The following RORA variants were observed in gnomAD, a reference collection of about 807,000 sequenced individuals.
RORA encodes the protein nuclear receptor ROR-alpha.
Under a neutral mutation model 69.5 loss-of-function variants are expected in RORA, and 7 were observed. That is an observed-to-expected ratio of 0.10 (90% confidence interval 0.06 to 0.19). The LOEUF (loss-of-function observed/expected upper bound fraction) is 0.19. Ranked by LOEUF, RORA falls within the 10% of genes least tolerant of loss-of-function variation. The pLI is 1.00. For missense variants in RORA, 457 were observed against 663.0 expected (o/e 0.69, Z 3.41); for synonymous variants, 261 against 240.8 (o/e 1.08, Z -0.78).
At chr15:60,726,743 G>T (rs1297887684) in intron 1 of RORA, among the ~76,000 whole-genome samples, 2 of 152,140 alleles carry the variant, frequency 1.3e-5, no homozygotes, top group African/African-American at 4.8e-5. Context: ...CAAGCAGGGG[G>T]TTAATAGCTC....
chr15:60,846,740 C>G (rs2073270408), intron 1 of RORA, among the ~76,000 whole-genome samples: 1 of 152,182 alleles, frequency 6.6e-6, no homozygotes, highest in Non-Finnish European at 1.5e-5. Context: ...CGGGGCCAGC[C>G]CATCTCCTAA....
chr15:60,866,032 C>A (rs971896128), intron 1 of RORA, among the ~76,000 whole-genome samples: 2 of 152,050 alleles, frequency 1.3e-5, no homozygotes, highest in Non-Finnish European at 2.9e-5. Flanking sequence ...CAAGCATTTA[C>A]CATTTTTCTG....
rs557292410 is a variant in RORA, at chr15:60,762,369, A to G, written c.167-83683T>C. 2.0e-5 allele frequency among the ~76,000 whole-genome samples: 3 copies of G among 152,358 alleles called. No homozygotes were observed. In the South Asian group the frequency reaches 6.2e-4, roughly 32 times the overall value. On this transcript the variant is annotated intron_variant, in intron 1 of 10. Coordinates refer to ENST00000335670, the MANE Select transcript of RORA (RefSeq NM_134261.3). ...GGTGGTAGACCCAAAGCAGCCAGAC[A>G]CGAAGGTTATGGTATCAGATGTGAA... is the stretch of plus-strand genomic sequence containing the variant.
intron 2 of RORA, among the ~76,000 whole-genome samples, chr15:60,565,117 T>C (rs1187808148): frequency 6.6e-6 from 1 of 152,222 alleles, no homozygotes; most frequent in African/African-American, 2.4e-5. Flanking sequence ...TGGGCTGATT[T>C]TAAGGGACAA....
chr15:60,850,346 T>C (rs1267293071), intron 1 of RORA, among the ~76,000 whole-genome samples: 3 of 152,138 alleles, frequency 2.0e-5, no homozygotes, highest in Non-Finnish European at 4.4e-5. Context: ...TTTGCAGGCA[T>C]GGGAGGTTTG....
intron 1 of RORA, among the ~76,000 whole-genome samples, chr15:61,119,106 G>A (rs1232048717): frequency 6.7e-6 from 1 of 149,804 alleles, no homozygotes; most frequent in East Asian, 2.0e-4. Flanking sequence ...CCATGGAGCA[G>A]TCGTGTGAGC....
intron 1 of RORA, among the ~76,000 whole-genome samples, chr15:60,950,937 AC>A (rs1355510573): frequency 1.3e-5 from 2 of 150,070 alleles, no homozygotes; most frequent in African/African-American, 4.9e-5. Context: ...CACCAAGCGG[AC>A]GTAATAGACA....
At chr15:61,173,522 C>T (rs1208354893) in intron 1 of RORA, among the ~76,000 whole-genome samples, 4 of 152,236 alleles carry the variant, frequency 2.6e-5, no homozygotes, top group African/African-American at 9.6e-5. Flanking sequence ...TTAGAAATCA[C>T]TGACCTAGAC....
intron 2 of RORA, among the ~76,000 whole-genome samples, chr15:60,606,149 T>G (rs2068940487): frequency 6.6e-6 from 1 of 152,262 alleles, no homozygotes; most frequent in Non-Finnish European, 1.5e-5. Context: ...TTCTAACATA[T>G]GGCAGCTGGG....
At chr15:60,800,100 C>G (rs2072557686) in intron 1 of RORA, among the ~76,000 whole-genome samples, 1 of 152,138 alleles carries the variant, frequency 6.6e-6, no homozygotes, top group South Asian at 2.1e-4. Flanking sequence ...GTTGGTTGCC[C>G]AAAACTGGCT....
At chr15:60,498,976 C>T (rs2065248623) in intron 10 of RORA, among the ~76,000 whole-genome samples, 1 of 151,914 alleles carries the variant, frequency 6.6e-6, no homozygotes, top group African/African-American at 2.4e-5. Flanking sequence ...TGTTCTAAGA[C>T]CAAATACATA....
At chr15:60,990,956 C>G (rs1320288761) in intron 1 of RORA, among the ~76,000 whole-genome samples, 2 of 152,122 alleles carry the variant, frequency 1.3e-5, no homozygotes, top group South Asian at 4.1e-4. Context: ...CACCAAATCC[C>G]AAGTAATCTT....
chr15:60,720,935 G>A (rs2045400), intron 1 of RORA, among the ~76,000 whole-genome samples: 149,488 of 152,182 alleles, frequency 0.98, 73,474 homozygotes, highest in East Asian at 1. Flanking sequence ...GCCAGCTCTC[G>A]GTTCAGCCTG....
rs1041325474 is a variant in RORA, at chr15:60,488,673, T to A, written c.*8782A>T. On this transcript the variant is annotated 3_prime_UTR_variant, in exon 11 of 11. Transcript: ENST00000335670. ...ATACTAGTTTTAGGATTCCCATAAA[T>A]GGCTTGCATTTTTAGTGTGGCAGAA... 6.6e-6 allele frequency: 1 copy of A among 152,234 alleles called. No individual in the cohort carries two copies. Among genetic ancestry groups the A allele is most frequent in the Non-Finnish European group, 1.5e-5 (1 of 68,046 alleles). 9.4% of individuals were successfully genotyped at this position (152,234 alleles called of 1,614,324 possible). A position where few individuals can be genotyped will look rare whatever the true frequency, so the allele number is the denominator to read the frequency against.
chr15:60,680,572 A>C (rs1022689776), intron 1 of RORA, among the ~76,000 whole-genome samples: 2 of 152,312 alleles, frequency 1.3e-5, no homozygotes, highest in South Asian at 4.1e-4. Flanking sequence ...AGGAGGAAGC[A>C]TGACTTTGGC....
Position 60,511,114 on chromosome 15 carries a change from G to T in RORA, c.820+112C>A. 1.6e-6 allele frequency: 2 copies of T among 1,231,338 alleles called. No homozygotes were observed. The highest frequency in any genetic ancestry group is 2.0e-4 in the Middle Eastern group (1 of 5,068). 76.3% of individuals were successfully genotyped at this position (1,231,338 alleles called of 1,614,324 possible). A position where few individuals can be genotyped will look rare whatever the true frequency, so the allele number is the denominator to read the frequency against. On this transcript the variant is annotated intron_variant, in intron 5 of 10. Transcript: ENST00000335670. This position sits in a 1 kb window ranked among gnomAD's most constrained non-coding sequence, Gnocchi z 6.4. ...GGCAGAAAATTAAGTGGCCCAAATGGTAAAGGTGAATTGCATCATTTAGCA... is the reference window on the plus strand; with the variant it reads ...GGCAGAAAATTAAGTGGCCCAAATGTTAAAGGTGAATTGCATCATTTAGCA...
intron 1 of RORA, among the ~76,000 whole-genome samples, chr15:61,203,397 G>T (rs901170112): frequency 6.6e-6 from 1 of 152,184 alleles, no homozygotes. Flanking sequence ...ATGGTTTCAT[G>T]AGTGTTTTCC....
At chr15:60,968,462 A>G (rs1045814084) in intron 1 of RORA, among the ~76,000 whole-genome samples, 6 of 152,194 alleles carry the variant, frequency 3.9e-5, no homozygotes, top group African/African-American at 9.6e-5. Flanking sequence ...TTTGGGGACC[A>G]TACTTTGAAA....
intron 1 of RORA, among the ~76,000 whole-genome samples, chr15:60,790,738 T>C (rs113890918): frequency 1.5e-4 from 23 of 152,280 alleles, no homozygotes; most frequent in African/African-American, 5.3e-4. Context: ...GTTAAGAATT[T>C]CAAGAGGTAG....
Sources: gnomAD v4.1 joint callset for allele counts (sites outside exome capture counted in the v4.1 genomes callset) on GRCh38, gnomAD v4.1.1 for gene constraint, Gnocchi (gnomAD v3.1) non-coding constraint, MANE v1.5 for transcripts, NCBI Gene and HGNC (gene_info 2026-07-23, HGNC 2026-07-21) for gene names.